DYNC2H1: variants seen among roughly 807,000 people sequenced by gnomAD.
DYNC2H1 encodes dynein cytoplasmic 2 heavy chain 1.
DYNC2H1 carries 410 observed loss-of-function variants against 570.0 expected under a neutral mutation model. That is an observed-to-expected ratio of 0.72 (90% CI 0.66 to 0.78). The LOEUF (loss-of-function observed/expected upper bound fraction) is 0.78. DYNC2H1 is among the 30% of genes least tolerant of loss of function. DYNC2H1 has a pLI of 0.00. For synonymous variants in DYNC2H1, 1,688 were observed against 1,677.6 expected (o/e 1.01, Z -0.15); for missense variants, 4,865 against 5,046.4 (o/e 0.96, Z 1.09).
At chr11:103,362,694 TC>T (rs1940713993) in intron 83 of DYNC2H1, among the ~76,000 whole-genome samples, 1 of 152,160 alleles carries the variant, frequency 6.6e-6, no homozygotes, top group Admixed American at 6.5e-5. Flanking sequence ...TTGCTAAACA[TC>T]CTTGTTCCCA....
chr11:103,152,873 A>C (rs936462073), intron 21 of DYNC2H1, among the ~76,000 whole-genome samples: 1 of 152,126 alleles, frequency 6.6e-6, no homozygotes, highest in Non-Finnish European at 1.5e-5. Flanking sequence ...TATCTACTGC[A>C]CTCATATTTT....
chr11:103,396,532 T>C (rs1171174814), intron 83 of DYNC2H1, among the ~76,000 whole-genome samples: 5 of 152,174 alleles, frequency 3.3e-5, no homozygotes, highest in Admixed American at 2.0e-4. Context: ...AAAAATTCTT[T>C]CTGAGGGAGA....
intron 75 of DYNC2H1, among the ~76,000 whole-genome samples, chr11:103,295,660 G>T (rs113927397): frequency 3.4e-4 from 52 of 152,206 alleles, no homozygotes; most frequent in African/African-American, 1.2e-3. Context: ...ATAAGCCTGT[G>T]CAAGACACTA....
At position 103,122,986 on chromosome 11, in the gene DYNC2H1, C is replaced by T; in HGVS notation, c.1647C>T (p.Ser549=). 3.3e-6 allele frequency: 5 copies of T among 1,530,216 alleles called. No individual in the cohort carries two copies. 94.8% of individuals were successfully genotyped at this position (1,530,216 alleles called of 1,614,324 possible). ...SRDIQSGLSD[S]RSGLCIEASS... ...ATATTCAATCAGGTTTATCTGATTC[C>T]AGATCTGGTTTGTGGTAAGTATAGA... The change falls in exon 11 of 89, where the codon TCC becomes TCT. Residue 549 remains serine (S), a synonymous_variant. Coordinates refer to ENST00000375735, the MANE Select transcript of DYNC2H1 (RefSeq NM_001377.3).
At chr11:103,236,293 G>T (rs907416612) in intron 62 of DYNC2H1, 137 bp from the exon 63 acceptor site, 1 of 594,098 alleles carries the variant, frequency 1.7e-6, no homozygotes, top group Non-Finnish European at 3.0e-6. Flanking sequence ...CCGTGGGTTT[G>T]GGTGTTAAAT....
At chr11:103,466,755 A>C (rs1945206428) in intron 87 of DYNC2H1, among the ~76,000 whole-genome samples, 1 of 152,216 alleles carries the variant, frequency 6.6e-6, no homozygotes, top group Non-Finnish European at 1.5e-5. Flanking sequence ...AAGTCTCAAC[A>C]GACCAAGTAT....
intron 83 of DYNC2H1, among the ~76,000 whole-genome samples, chr11:103,389,392 T>C (rs569057085): frequency 6.6e-6 from 1 of 152,284 alleles, no homozygotes; most frequent in Non-Finnish European, 1.5e-5. Context: ...TCTGCTCTCT[T>C]TTCTTATTAG....
chr11:103,121,185 GA>G, intron 9 of DYNC2H1, 149 bp downstream of exon 9: 2 of 936,594 alleles, frequency 2.1e-6, no homozygotes, highest in Non-Finnish European at 3.0e-6. Context: ...ATAAATGACA[GA>G]TTTTTTTGCA....
In DYNC2H1 at chr11:103,189,811, G is replaced by A. The variant is rs1862224257; in HGVS notation, c.7432G>A (p.Glu2478Lys). Reference sequence around the variant, plus strand: ...AGCAGGATCTATGGTACAAGTGTATGAACAGGTAGATATGCATCTAAATTG... The same window carrying A: ...AGCAGGATCTATGGTACAAGTGTATAAACAGGTAGATATGCATCTAAATTG... ...LLAGSMVQVYEQVRAKFTVDD... is the reference protein window; with the variant it reads ...LLAGSMVQVYKQVRAKFTVDD... The change falls in exon 45 of 89, where the codon GAA becomes AAA. Residue 2478 changes from glutamate to lysine, a missense_variant. By Grantham distance (56) the Glu-to-Lys change is moderately conservative (BLOSUM62 1). Around this residue, in one of 5 missense-constraint regions of DYNC2H1, gnomAD observed 2,401 missense variants for 2,454.6 expected, o/e 0.98. Transcript: ENST00000375735. The surrounding 1 kb of genome is among the most constrained non-coding windows in gnomAD (Gnocchi z 4.3). 1.9e-6 allele frequency: 3 copies of A among 1,604,026 alleles called. No homozygotes were observed. The highest frequency in any genetic ancestry group is 2.5e-6 in the Non-Finnish European group (3 of 1,176,780).
In DYNC2H1 at chr11:103,121,018, C is replaced by A; in HGVS notation, c.1342C>A (p.Leu448Ile). 1 of 1,573,896 alleles carries A rather than the reference C, an allele frequency of 6.4e-7. No homozygotes were observed. The highest frequency in any genetic ancestry group is 8.6e-7 in the Non-Finnish European group (1 of 1,160,204). The change falls in exon 9 of 89, where the codon CTT becomes ATT. Residue 448 changes from leucine (L) to isoleucine (I), a missense_variant. Coordinates refer to ENST00000375735, the MANE Select transcript of DYNC2H1 (RefSeq NM_001377.3). ...AGAAAGAGAAACTTTACTGGCAAGA[C>A]TTGTGGACTCAATTAAAGGTAAAAG... ...MLERETLLAR[L>I]VDSIKDFRLD...
chr11:103,174,569 G>T (rs1454440808), intron 36 of DYNC2H1, among the ~76,000 whole-genome samples: 1 of 152,144 alleles, frequency 6.6e-6, no homozygotes, highest in African/African-American at 2.4e-5. Flanking sequence ...TGATTCAGTA[G>T]GTGTAGAGTA....
At chr11:103,391,117 A>G (rs1248116323) in intron 83 of DYNC2H1, among the ~76,000 whole-genome samples, 1 of 152,114 alleles carries the variant, frequency 6.6e-6, no homozygotes, top group East Asian at 1.9e-4. Flanking sequence ...CATTCTTCCC[A>G]TCAGTTTCAG....
intron 75 of DYNC2H1, among the ~76,000 whole-genome samples, chr11:103,294,647 G>C (rs1866747528): frequency 1.3e-5 from 2 of 152,178 alleles, no homozygotes; most frequent in African/African-American, 2.4e-5. Flanking sequence ...GACCACCGCA[G>C]CTGGCACCAT....
intron 84 of DYNC2H1, among the ~76,000 whole-genome samples, chr11:103,414,534 G>C (rs756314842): frequency 1.3e-5 from 2 of 152,106 alleles, no homozygotes; most frequent in Admixed American, 6.6e-5. Flanking sequence ...CAGAAGAATT[G>C]TTTGAACCCA....
intron 84 of DYNC2H1, among the ~76,000 whole-genome samples, chr11:103,414,528 AGAATTGTTT>A (rs1943207368): frequency 6.6e-6 from 1 of 152,174 alleles, no homozygotes; most frequent in Admixed American, 6.5e-5. Flanking sequence ...CTGAGGCAGA[AGAATTGTTT>A]GAACCCAGGA....
chr11:103,383,647 T>C (rs1431766666), intron 83 of DYNC2H1, among the ~76,000 whole-genome samples: 2 of 106,812 alleles, frequency 1.9e-5, no homozygotes, highest in Admixed American at 2.2e-4. Context: ...CTAATTTTTT[T>C]GTATTTTTAG....
chr11:103,377,348 C>T (rs1409269954), intron 83 of DYNC2H1, among the ~76,000 whole-genome samples: 1 of 152,026 alleles, frequency 6.6e-6, no homozygotes, highest in Non-Finnish European at 1.5e-5. Flanking sequence ...TTTCAAAAGA[C>T]TTTTCTTCAA....
chr11:103,390,692 G>A (rs537883687), intron 83 of DYNC2H1, among the ~76,000 whole-genome samples: 28 of 152,266 alleles, frequency 1.8e-4, no homozygotes, highest in East Asian at 1.5e-3. Flanking sequence ...GGGCAGGCCC[G>A]GTGGTGACAA....
intron 71 of DYNC2H1, 21 bp from the exon 72 acceptor site, chr11:103,282,158 T>C: frequency 6.3e-7 from 1 of 1,599,610 alleles, no homozygotes; most frequent in Non-Finnish European, 8.5e-7. Context: ...ATTTTTGTGT[T>C]CCTATATTTT....
Sources: allele counts gnomAD v4.1 joint callset (sites outside exome capture counted in the v4.1 genomes callset), GRCh38; gene constraint gnomAD v4.1.1; regional missense constraint gnomAD v4.1.1; non-coding constraint Gnocchi (gnomAD v3.1); transcripts MANE v1.5; gene names NCBI Gene and HGNC (gene_info 2026-07-23, HGNC 2026-07-21).